The following DST variants were observed in gnomAD, a reference collection of about 807,000 sequenced individuals.
DST encodes bullous pemphigoid antigen.
A neutral mutation model predicts 875.2 loss-of-function variants in DST; 253 were observed. The observed-to-expected ratio is 0.29, with a 90% CI of 0.26 to 0.32. The LOEUF is 0.32. Ranked by LOEUF, DST falls within the 10% of genes least tolerant of loss-of-function variation. The pLI is 1.00. For missense variants in DST, 8,287 were observed against 9,111.6 expected, an observed-to-expected ratio of 0.91 and a Z score of 3.68; for synonymous variants, 3,124 against 3,197.1, an observed-to-expected ratio of 0.98 and a Z score of 0.77.
chr6:56,925,514 T>C (rs1306600117), intron 2 of DST, among the ~76,000 whole-genome samples: 2 of 152,216 alleles, frequency 1.3e-5, no homozygotes, highest in African/African-American at 4.8e-5. Flanking sequence ...GGCCTTCTTA[T>C]ATATCTACAT....
rs766624513 is a variant in DST at position 56,629,294 on chromosome 6, T to C, written c.4431A>G (p.Gln1477=). The C allele has an allele frequency of 8.1e-6, 13 of 1,613,674 alleles. 1 individual carries two copies. Among genetic ancestry groups the C allele is most frequent in the East Asian group, 6.7e-5 (3 of 44,804 alleles). The change falls in exon 32 of 104, where the codon CAA becomes CAG. Residue 1477 remains glutamine, a synonymous_variant. Coordinates refer to ENST00000680361, the MANE Select transcript of DST (RefSeq NM_001374736.1). ...DFDWHKEKAD[Q]LVERWQNVHV... ...GAACATTTTGCCACCTTTCAACTAA[T>C]TGATCTGCTTTTTCTTTGTGCCAGT... is the stretch of plus-strand genomic sequence containing the variant.
At chr6:56,941,220 C>T (rs1244148958) in intron 2 of DST, among the ~76,000 whole-genome samples, 1 of 152,030 alleles carries the variant, frequency 6.6e-6, no homozygotes, top group Admixed American at 6.6e-5. Flanking sequence ...TGGCTGCACC[C>T]CACAATTTTG....
intron 39 of DST, among the ~76,000 whole-genome samples, chr6:56,609,822 C>A (rs2098529417): frequency 6.6e-6 from 1 of 152,170 alleles, no homozygotes; most frequent in South Asian, 2.1e-4. Context: ...TACATACCCC[C>A]AAAATGTGAC....
At chr6:56,529,418 A>T (rs2096857889) in intron 66 of DST, 30 bp downstream of exon 66, 1 of 1,394,044 alleles carries the variant, frequency 7.2e-7, no homozygotes, top group South Asian at 1.9e-5. Flanking sequence ...GAAATGAAAA[A>T]ATAAGATAAA....
chr6:56,734,883 G>A (rs919941202), intron 5 of DST, among the ~76,000 whole-genome samples: 4 of 151,916 alleles, frequency 2.6e-5, no homozygotes, highest in African/African-American at 9.7e-5. Flanking sequence ...AATCTTGAGA[G>A]AGAAAAAAAA....
intron 101 of DST, 101 bp from the exon 102 acceptor site, chr6:56,463,257 G>T: frequency 2.9e-6 from 2 of 687,834 alleles, no homozygotes; most frequent in South Asian, 2.1e-5. Flanking sequence ...TTCACAGTAA[G>T]AATAATAATT....
At chr6:56,595,795 G>A (rs988032143) in intron 47 of DST, among the ~76,000 whole-genome samples, 3 of 138,174 alleles carry the variant, frequency 2.2e-5, no homozygotes, top group East Asian at 3.9e-4. Context: ...ACCCCACCCC[G>A]AGAAGGGCTT....
intron 4 of DST, chr6:56,843,205 C>G (rs547186256): frequency 1.4e-6 from 2 of 1,427,638 alleles, no homozygotes; most frequent in Non-Finnish European, 1.9e-6. Flanking sequence ...AACCCCCGGA[C>G]AGTATCGCAG....
intron 4 of DST, among the ~76,000 whole-genome samples, chr6:56,751,253 G>A (rs891169577): frequency 6.6e-6 from 1 of 151,954 alleles, no homozygotes; most frequent in Non-Finnish European, 1.5e-5. Context: ...AGTTATCATA[G>A]AGCCACAAAA....
intron 82 of DST, among the ~76,000 whole-genome samples, chr6:56,495,715 A>T (rs1350627688): frequency 6.6e-6 from 1 of 152,094 alleles, no homozygotes; most frequent in African/African-American, 2.4e-5. Flanking sequence ...TGTGGCACTA[A>T]AAACCAATAA....
intron 9 of DST, among the ~76,000 whole-genome samples, chr6:56,672,907 A>C (rs980825965): frequency 6.6e-6 from 1 of 152,220 alleles, no homozygotes; most frequent in African/African-American, 2.4e-5. Flanking sequence ...GCCTTAAACT[A>C]ATGAAAATCT....
intron 36 of DST, 42 bp downstream of exon 36, chr6:56,624,488 T>C: frequency 7.3e-7 from 1 of 1,362,220 alleles, no homozygotes; most frequent in Non-Finnish European, 1.0e-6. Flanking sequence ...TGCTCATCTC[T>C]AGCTCCTTTA....
intron 94 of DST, 35 bp from the exon 95 acceptor site, chr6:56,471,303 G>A: frequency 1.3e-6 from 2 of 1,507,952 alleles, no homozygotes; most frequent in Non-Finnish European, 1.8e-6. Flanking sequence ...TTGAGTTAAT[G>A]CTGTACTAAA....
intron 2 of DST, among the ~76,000 whole-genome samples, chr6:56,930,271 T>C (rs1426757702): frequency 6.6e-6 from 1 of 152,232 alleles, no homozygotes; most frequent in African/African-American, 2.4e-5. Flanking sequence ...AGCTATTACC[T>C]AGATTCCAGT....
intron 9 of DST, among the ~76,000 whole-genome samples, chr6:56,682,446 ACT>A (rs1358237892): frequency 6.6e-6 from 1 of 151,610 alleles, no homozygotes; most frequent in African/African-American, 2.4e-5. Flanking sequence ...AAACCCTCAC[ACT>A]CTTTCTTACA....
At chr6:56,774,867 C>CT (rs1464266620) in intron 4 of DST, among the ~76,000 whole-genome samples, 8 of 151,866 alleles carry the variant, frequency 5.3e-5, no homozygotes, top group Admixed American at 5.3e-4. Context: ...TAGTGCATGC[C>CT]TGTAATCCCA....
intron 9 of DST, among the ~76,000 whole-genome samples, chr6:56,689,780 C>A (rs1328044738): frequency 1.3e-5 from 2 of 152,110 alleles, no homozygotes. Flanking sequence ...TGTATATGGC[C>A]AGGTTAGAGA....
At chr6:56,817,515 C>G (rs891742318) in intron 4 of DST, among the ~76,000 whole-genome samples, 2 of 152,076 alleles carry the variant, frequency 1.3e-5, no homozygotes, top group African/African-American at 4.8e-5. Flanking sequence ...GTTTCAATAG[C>G]CTTAGCATTT....
intron 4 of DST, among the ~76,000 whole-genome samples, chr6:56,839,058 A>G (rs1473089456): frequency 2.6e-5 from 4 of 152,346 alleles, no homozygotes; most frequent in African/African-American, 7.2e-5. Context: ...TCAGGGCACT[A>G]AATGAAGCCG....
Sources: allele counts gnomAD v4.1 joint callset (sites outside exome capture counted in the v4.1 genomes callset), GRCh38; gene constraint gnomAD v4.1.1; transcripts MANE v1.5; gene names NCBI Gene and HGNC (gene_info 2026-07-23, HGNC 2026-07-21).